Variants in FSIP2 observed in about 807,000 individuals in gnomAD.
The protein encoded by FSIP2 is fibrous sheath-interacting protein 2.
A neutral mutation model predicts 510.5 loss-of-function variants in FSIP2; 367 were observed. The observed-to-expected ratio is 0.72, with a 90% confidence interval of 0.66 to 0.78. The LOEUF is 0.78. Among genes scored for constraint, FSIP2 ranks in the 30% least tolerant of loss-of-function variants. The pLI is 0.00. For missense variants in FSIP2, 7,594 were observed against 7,901.7 expected (o/e 0.96, Z 1.48); for synonymous variants, 2,601 against 2,732.2 (o/e 0.95, Z 1.50).
In FSIP2 at chr2:185,788,629, T is replaced by C; in HGVS notation, c.1507-14T>C. 1 of 1,468,956 alleles carries C rather than the reference T, an allele frequency of 6.8e-7. No individual in the cohort carries two copies. The highest frequency in any genetic ancestry group is 9.0e-7 in the Non-Finnish European group (1 of 1,116,722). 91.0% of individuals were successfully genotyped at this position (1,468,956 alleles called of 1,614,324 possible). A position where few individuals can be genotyped will look rare whatever the true frequency, so the allele number is the denominator to read the frequency against. On this transcript the variant is annotated splice_polypyrimidine_tract_variant and intron_variant, in intron 15 of 22. Transcript: ENST00000424728. Reference sequence around the variant, plus strand: ...ACATGACTTTATTTTCATCTCTGCTTACCTCCTTTCCAGGTAACTTCTGAA... The same window carrying C: ...ACATGACTTTATTTTCATCTCTGCTCACCTCCTTTCCAGGTAACTTCTGAA...
chr2:185,740,198 TCTGAG>T (rs1308774751), intron 2 of FSIP2, among the ~76,000 whole-genome samples: 4 of 152,184 alleles, frequency 2.6e-5, no homozygotes, highest in African/African-American at 9.7e-5. Context: ...AGTCTATGAA[TCTGAG>T]CTATCAAGAT....
intron 17 of FSIP2, among the ~76,000 whole-genome samples, chr2:185,809,499 G>T (rs1205390233): frequency 6.6e-6 from 1 of 151,988 alleles, no homozygotes; most frequent in Non-Finnish European, 1.5e-5. Context: ...GTTCGTTATG[G>T]ATATCTAAAG....
intron 19 of FSIP2, among the ~76,000 whole-genome samples, chr2:185,823,382 T>G (rs1179130793): frequency 7.9e-5 from 12 of 151,594 alleles, no homozygotes; most frequent in Admixed American, 7.9e-4. Flanking sequence ...ACAACCCAAT[T>G]AAAAATGTGC....
Position 185,739,046 on chromosome 2 carries a change from G to A in FSIP2, c.99+53G>A, listed in dbSNP as rs577266116. ...GCCCTCTGGCGGCCGCAGGCCTGCTGGGGAGCGGGGCAGGGATCGCCACAC... is the reference window on the plus strand; with the variant it reads ...GCCCTCTGGCGGCCGCAGGCCTGCTAGGGAGCGGGGCAGGGATCGCCACAC... On this transcript the variant is annotated intron_variant, in intron 1 of 22. Coordinates refer to ENST00000424728, the MANE Select transcript of FSIP2 (RefSeq NM_173651.4). 15 of 1,504,234 alleles carry A rather than the reference G, an allele frequency of 1.0e-5. No individual in the cohort carries two copies. The African/African-American group carries it at 1.9e-4, about 19-fold the overall frequency. 93.2% of individuals were successfully genotyped at this position (1,504,234 alleles called of 1,614,324 possible).
At chr2:185,746,641 C>T (rs1171633595) in intron 5 of FSIP2, 28 bp from the exon 6 acceptor site, 4 of 1,471,914 alleles carry the variant, frequency 2.7e-6, no homozygotes, top group African/African-American at 1.4e-5. Context: ...GCCAATTCAC[C>T]TTTAGCAATA....
chr2:185,813,541 T>A lies in FSIP2; in HGVS notation c.19828-4T>A. On this transcript the variant is annotated splice_polypyrimidine_tract_variant and splice_region_variant and intron_variant, in intron 17 of 22. Coordinates refer to ENST00000424728, the MANE Select transcript of FSIP2 (RefSeq NM_173651.4). ...TTTAATATTTGCTATACCTTTAATT[T>A]CAGGCCGTTGCTAGAAATTCATTTC... The A allele has an allele frequency of 6.6e-7, 1 of 1,509,684 alleles. No individual in the cohort carries two copies. 93.5% of individuals were successfully genotyped at this position (1,509,684 alleles called of 1,614,324 possible).
At chr2:185,829,774 G>A (rs1453770566) in intron 21 of FSIP2, among the ~76,000 whole-genome samples, 1 of 151,918 alleles carries the variant, frequency 6.6e-6, no homozygotes, top group East Asian at 1.9e-4. Flanking sequence ...TACTCTTAGT[G>A]GTAGATGCAG....
At chr2:185,737,945 G>A (rs1273492941), upstream of FSIP2, among the ~76,000 whole-genome samples, 2 of 152,098 alleles carry the variant, frequency 1.3e-5, no homozygotes, top group African/African-American at 4.8e-5. Flanking sequence ...TTATTGATAA[G>A]GCTACTAAAA....
rs747243022 is a variant in FSIP2 at position 185,806,419 on chromosome 2, T to C, written c.17113T>C (p.Tyr5705His). 3.7e-6 allele frequency: 6 copies of C among 1,611,976 alleles called. No individual in the cohort carries two copies. Among genetic ancestry groups the C allele is most frequent in the African/African-American group, 1.3e-5 (1 of 74,786 alleles). ...ACCAGCATATTATTCGAAACTCAGT[T>C]ATGACCAAAGCCCCCCAGGTGATAA... ...PEPAYYSKLS[Y>H]DQSPPGDNVL... Residue 5705 changes from tyrosine (Y) to histidine (H), a missense_variant, in exon 17 of 23, where the codon TAT becomes CAT. Physicochemically the swap from Tyr to His is moderately conservative, Grantham distance 83 (BLOSUM62 2). Coordinates refer to ENST00000424728, the MANE Select transcript of FSIP2 (RefSeq NM_173651.4).
chr2:185,771,023 T>C (rs1020979624), intron 13 of FSIP2, among the ~76,000 whole-genome samples: 6 of 152,182 alleles, frequency 3.9e-5, no homozygotes, highest in Non-Finnish European at 7.3e-5. Context: ...TCTCCCTTGA[T>C]TCCATGTCTC....
At position 185,794,256 on chromosome 2, in the gene FSIP2, A is replaced by G. The variant is rs1244647284; in HGVS notation, c.7120A>G (p.Ile2374Val). 2.0e-6 allele frequency: 3 copies of G among 1,532,610 alleles called. No individual in the cohort carries two copies. In the East Asian group the frequency reaches 7.3e-5, roughly 38 times the overall value. The allele number at this position is 1,532,610 out of a possible 1,614,324, so 94.9% of individuals were successfully genotyped here. A position where few individuals can be genotyped will look rare whatever the true frequency, so the allele number is the denominator to read the frequency against. The change falls in exon 16 of 23, where the codon ATA becomes GTA. Residue 2374 changes from isoleucine (I) to valine (V), a missense_variant. By Grantham distance (29) the Ile-to-Val change is conservative (BLOSUM62 3). Transcript: ENST00000424728. ...KNDLDLEIQK[I>V]YPYQNNILFQ... is the part of the protein sequence containing the mutation. ...TGACTTAGACTTAGAAATTCAAAAGATATATCCATATCAAAACAATATTTT... is the reference window on the plus strand; with the variant it reads ...TGACTTAGACTTAGAAATTCAAAAGGTATATCCATATCAAAACAATATTTT...
intron 18 of FSIP2, 96 bp downstream of exon 18, chr2:185,814,138 A>T (rs547613978): frequency 2.4e-6 from 3 of 1,232,384 alleles, no homozygotes; most frequent in Admixed American, 2.4e-5. Context: ...AAAGAATGCT[A>T]AAATGAATTC....
At chr2:185,822,222 G>C (rs925019807) in intron 19 of FSIP2, among the ~76,000 whole-genome samples, 3 of 151,794 alleles carry the variant, frequency 2.0e-5, no homozygotes, top group African/African-American at 7.3e-5. Flanking sequence ...ATGCTAGTCA[G>C]AAAAATTAGG....
At position 185,801,010 on chromosome 2, in the gene FSIP2, T is replaced by G. The variant is rs1346881958; in HGVS notation, c.11704T>G (p.Leu3902Val). 6.5e-7 allele frequency: 1 copy of G among 1,531,354 alleles called. No homozygotes were observed. The highest frequency in any genetic ancestry group is 1.4e-5 in the African/African-American group (1 of 72,782). 94.9% of individuals were successfully genotyped at this position (1,531,354 alleles called of 1,614,324 possible). Residue 3902 changes from leucine to valine, a missense_variant, in exon 17 of 23, where the codon TTA (leucine) becomes GTA (valine). Coordinates refer to ENST00000424728, the MANE Select transcript of FSIP2 (RefSeq NM_173651.4). ...AGAATTAGGACAGAGTAAAAGTTCT[T>G]TAGAACTCAGGAGCTATGATAGTAA... is the stretch of plus-strand genomic sequence containing the variant. ...LIELGQSKSS[L>V]ELRSYDSNSL...
intron 22 of FSIP2, 32 bp from the exon 23 acceptor site, chr2:185,833,058 G>A (rs765607974): frequency 2.5e-6 from 4 of 1,603,080 alleles, no homozygotes; most frequent in Non-Finnish European, 3.4e-6. Flanking sequence ...CAAAAATAAA[G>A]ATATCATTCT....
At position 185,824,433 on chromosome 2, in the gene FSIP2, G is replaced by A. The variant is rs1333191965; in HGVS notation, c.20427-1G>A. ...ATGATGTTCTTTTTCTTTTGTTTTA[G>A]TGAGGCTGAAGATTGTCACTCAGAC... On this transcript the variant is annotated splice_acceptor_variant, in intron 19 of 22. Coordinates refer to ENST00000424728, the MANE Select transcript of FSIP2 (RefSeq NM_173651.4). LOFTEE classifies it high-confidence loss of function. 6.3e-7 allele frequency: 1 copy of A among 1,585,192 alleles called. No homozygotes were observed. Among genetic ancestry groups the A allele is most frequent in the Admixed American group, 1.8e-5 (1 of 56,998 alleles).
intron 3 of FSIP2, 125 bp downstream of exon 3, chr2:185,743,419 AG>A (rs1465171500): frequency 2.2e-6 from 1 of 447,412 alleles, no homozygotes; most frequent in East Asian, 3.5e-5. Flanking sequence ...AATACTTAAT[AG>A]GCAGTTCTAT....
Position 185,793,998 on chromosome 2 carries a change from G to A in FSIP2, c.6862G>A (p.Glu2288Lys). The stretch of plus-strand genomic sequence containing the variant: ...TAAAGAAAAGTCATTTGTTATCCCA[G>A]AATTGGAAAATTGTAAACAAAATGA... ...QSKEKSFVIP[E>K]LENCKQNDSI... Residue 2288 changes from glutamate to lysine, a missense_variant, in exon 16 of 23, where the codon GAA becomes AAA. Coordinates refer to ENST00000424728, the MANE Select transcript of FSIP2 (RefSeq NM_173651.4). 6.5e-7 allele frequency: 1 copy of A among 1,533,140 alleles called. No individual in the cohort carries two copies. The highest frequency in any genetic ancestry group is 1.2e-5 in the South Asian group (1 of 83,780). 95.0% of individuals were successfully genotyped at this position (1,533,140 alleles called of 1,614,324 possible).
chr2:185,766,854 A>C lies in FSIP2; in HGVS notation c.1411+2289A>C, dbSNP rs1221960518. On this transcript the variant is annotated intron_variant, in intron 13 of 22. Coordinates refer to ENST00000424728, the MANE Select transcript of FSIP2 (RefSeq NM_173651.4). ...AAGGACTATAAATCATGCTGCTATA[A>C]AGACACACGCACACGTATGTTTATT... is the stretch of plus-strand genomic sequence containing the variant. Among the ~76,000 whole-genome samples, 5 of 127,300 alleles carry C rather than the reference A, an allele frequency of 3.9e-5. No homozygotes were observed. In the Admixed American group the frequency reaches 3.9e-4, roughly 10 times the overall value. The allele number at this position is 127,300 out of a possible 152,430, so 83.5% of individuals were successfully genotyped here.
Sources: allele counts gnomAD v4.1 joint callset (sites outside exome capture counted in the v4.1 genomes callset), GRCh38; gene constraint gnomAD v4.1.1; transcripts MANE v1.5; gene names NCBI Gene and HGNC (gene_info 2026-07-23, HGNC 2026-07-21).